PRDM16: variants seen among roughly 807,000 people sequenced by gnomAD.
The protein encoded by PRDM16 is PR/SET domain 16, also known as histone-lysine N-methyltransferase PRDM16.
PRDM16 carries 23 observed loss-of-function variants against 110.6 expected under a neutral mutation model. The ratio of observed to expected loss-of-function variants is 0.21; its 90% confidence interval spans 0.15 to 0.29. PRDM16 has a LOEUF of 0.29. PRDM16 is among the 10% of genes least tolerant of loss of function. The pLI is 1.00. For synonymous variants in PRDM16, 799 were observed against 781.8 expected, an observed-to-expected ratio of 1.02 and a Z score of -0.37; for missense variants, 1,615 against 1,794.3, an observed-to-expected ratio of 0.90 and a Z score of 1.81.
chr1:3,402,753 C>T (rs1643494008), intron 5 of PRDM16, 38 bp from the exon 6 acceptor site: 4 of 1,585,048 alleles, frequency 2.5e-6, no homozygotes, highest in Middle Eastern at 1.7e-4. Flanking sequence ...GGCTGGGTCT[C>T]CAGCTCACTC....
rs373203699 is a variant in PRDM16, at chr1:3,359,580, G to A, written c.439-25572G>A. On this transcript the variant is annotated intron_variant, in intron 3 of 16. Coordinates refer to ENST00000270722, the MANE Select transcript of PRDM16 (RefSeq NM_022114.4). This position sits in a 1 kb window ranked among gnomAD's most constrained non-coding sequence, Gnocchi z 4.3. ...CTCTCCCTGCAGCTACTCCAGGCTC[G>A]GGTTTCAGCCTCCCCTCCACCTGTC... Among the ~76,000 whole-genome samples the A allele has an allele frequency of 3.9e-5, 6 of 152,114 alleles. No individual in the cohort carries two copies. Among genetic ancestry groups the A allele is most frequent in the East Asian group, 3.9e-4 (2 of 5,192 alleles).
At chr1:3,235,577 G>C (rs1045215237) in intron 2 of PRDM16, among the ~76,000 whole-genome samples, 2 of 152,148 alleles carry the variant, frequency 1.3e-5, no homozygotes, top group Non-Finnish European at 2.9e-5. Flanking sequence ...CTGCGCCCCA[G>C]GGGCTGATAG....
At chr1:3,398,052 G>A (rs1284449747) in intron 5 of PRDM16, among the ~76,000 whole-genome samples, 2 of 152,188 alleles carry the variant, frequency 1.3e-5, no homozygotes, top group Non-Finnish European at 1.5e-5. Context: ...CAATTGCCGA[G>A]ATCTGGATAG....
At chr1:3,361,603 T>A (rs1005701337) in intron 3 of PRDM16, among the ~76,000 whole-genome samples, 1 of 152,132 alleles carries the variant, frequency 6.6e-6, no homozygotes, top group African/African-American at 2.4e-5. Flanking sequence ...AACTGTGAGC[T>A]CCTCGGATCG....
At chr1:3,226,961 G>A (rs1639302278) in intron 2 of PRDM16, among the ~76,000 whole-genome samples, 1 of 152,242 alleles carries the variant, frequency 6.6e-6, no homozygotes, top group Non-Finnish European at 1.5e-5. Flanking sequence ...TTGCTAATTG[G>A]ATTGGTTAAT....
intron 1 of PRDM16, among the ~76,000 whole-genome samples, chr1:3,120,793 C>T (rs1412179172): frequency 6.6e-6 from 1 of 152,172 alleles, no homozygotes; most frequent in East Asian, 1.9e-4. Flanking sequence ...ATGGCAGGGC[C>T]GAGCCCTGGC....
At chr1:3,318,482 AATTG>A (rs1641663658) in intron 3 of PRDM16, among the ~76,000 whole-genome samples, 1 of 152,192 alleles carries the variant, frequency 6.6e-6, no homozygotes. Context: ...ATTGATTATC[AATTG>A]ATTATTTTTC....
chr1:3,341,801 C>T (rs551902029), intron 3 of PRDM16, among the ~76,000 whole-genome samples: 39 of 152,378 alleles, frequency 2.6e-4, no homozygotes, highest in African/African-American at 7.5e-4. Context: ...GAACCGCCCG[C>T]GCTCTGCAGC....
rs964050560 is a variant in PRDM16 at position 3,175,310 on chromosome 1, C to T, written c.38-10815C>T. ...GGCCTTCTGTTCACCAGGGTATACT[C>T]GGCAGAGATGTAGGTGTACAGAATC... is the stretch of plus-strand genomic sequence containing the variant. On this transcript the variant is annotated intron_variant, in intron 1 of 16. Transcript: ENST00000270722. The surrounding 1 kb of genome is among the most constrained non-coding windows in gnomAD (Gnocchi z 4.8). Among the ~76,000 whole-genome samples the T allele has an allele frequency of 2.0e-5, 3 of 152,164 alleles. No individual in the cohort carries two copies. The highest frequency in any genetic ancestry group is 6.5e-5 in the Admixed American group (1 of 15,276).
chr1:3,274,847 G>C (rs1640546906), intron 3 of PRDM16, among the ~76,000 whole-genome samples: 2 of 152,238 alleles, frequency 1.3e-5, no homozygotes, highest in Admixed American at 1.3e-4. Flanking sequence ...GGAGGCATGA[G>C]GAGGCATGTT....
chr1:3,111,097 C>A (rs184463074), intron 1 of PRDM16, among the ~76,000 whole-genome samples: 4 of 152,112 alleles, frequency 2.6e-5, no homozygotes, highest in African/African-American at 7.2e-5. Context: ...GGAGGCTCCA[C>A]GCTGGCTCAC....
chr1:3,131,918 C>G (rs1413733931), intron 1 of PRDM16, among the ~76,000 whole-genome samples: 2 of 152,156 alleles, frequency 1.3e-5, no homozygotes, highest in African/African-American at 2.4e-5. Flanking sequence ...TTAAATTAGC[C>G]CCATAATACT....
chr1:3,151,121 C>T (rs1643768143), intron 1 of PRDM16, among the ~76,000 whole-genome samples: 1 of 152,198 alleles, frequency 6.6e-6, no homozygotes, highest in African/African-American at 2.4e-5. Context: ...ATCTCTGTGC[C>T]TCCTGCGTAG....
intron 3 of PRDM16, among the ~76,000 whole-genome samples, chr1:3,247,541 C>T (rs1424908722): frequency 6.6e-6 from 1 of 152,216 alleles, no homozygotes; most frequent in East Asian, 1.9e-4. Flanking sequence ...GCGGAGCCAC[C>T]GCCAGGCGCA....
At chr1:3,284,117 C>A (rs1408621590) in intron 3 of PRDM16, among the ~76,000 whole-genome samples, 1 of 152,218 alleles carries the variant, frequency 6.6e-6, no homozygotes, top group Admixed American at 6.5e-5. Flanking sequence ...CGCCACCCGC[C>A]ACCCGTAGCC....
Position 3,245,907 on chromosome 1 carries a change from G to A in PRDM16, c.438+1770G>A, listed in dbSNP as rs563307095. On this transcript the variant is annotated intron_variant, in intron 3 of 16. Transcript: ENST00000270722. This position sits in a 1 kb window ranked among gnomAD's most constrained non-coding sequence, Gnocchi z 4.7. ...TTCCACCCCGATGCGTCCCTGGACC[G>A]TCTGACATTTTCAAGACGCCCTCCT... is the stretch of plus-strand genomic sequence containing the variant. Among the ~76,000 whole-genome samples the A allele has an allele frequency of 5.3e-5, 8 of 152,282 alleles. No individual in the cohort carries two copies. In the South Asian group the frequency reaches 1.0e-3, roughly 20 times the overall value.
intron 9 of PRDM16, among the ~76,000 whole-genome samples, chr1:3,413,362 G>A (rs1643727061): frequency 1.3e-5 from 2 of 152,256 alleles, no homozygotes; most frequent in South Asian, 2.1e-4. Flanking sequence ...GAGGGGAGGA[G>A]GAGGCGAGGG....
intron 6 of PRDM16, among the ~76,000 whole-genome samples, chr1:3,404,012 C>T (rs879938182): frequency 6.6e-6 from 1 of 152,230 alleles, no homozygotes; most frequent in South Asian, 2.1e-4. Flanking sequence ...TACATAAACA[C>T]ATAAATCACA....
rs749399829 is a variant in PRDM16, at chr1:3,244,150, G to A, written c.438+13G>A. On this transcript the variant is annotated intron_variant, in intron 3 of 16. Coordinates refer to ENST00000270722, the MANE Select transcript of PRDM16 (RefSeq NM_022114.4). The surrounding 1 kb of genome is among the most constrained non-coding windows in gnomAD (Gnocchi z 4.1). ...CTGCATCACAAAGGTAGGAGAGCTCGCCCTGCGCCGTCTCAGCTCCCCAGC... is the reference window on the plus strand; with the variant it reads ...CTGCATCACAAAGGTAGGAGAGCTCACCCTGCGCCGTCTCAGCTCCCCAGC... 26 of 1,613,288 alleles carry A rather than the reference G, an allele frequency of 1.6e-5. No homozygotes were observed. Among genetic ancestry groups the A allele is most frequent in the South Asian group, 7.7e-5 (7 of 91,076 alleles).
Sources: gnomAD v4.1 joint callset for allele counts (sites outside exome capture counted in the v4.1 genomes callset) on GRCh38, gnomAD v4.1.1 for gene constraint, Gnocchi (gnomAD v3.1) non-coding constraint, MANE v1.5 for transcripts, NCBI Gene and HGNC (gene_info 2026-07-23, HGNC 2026-07-21) for gene names.